MYH9: variants seen among roughly 807,000 people sequenced by gnomAD.
The protein encoded by MYH9 is myosin-9.
MYH9 carries 29 observed loss-of-function variants against 241.9 expected under a neutral mutation model. The observed-to-expected ratio is 0.12, with a 90% confidence interval of 0.09 to 0.16. The LOEUF is 0.16. Ranked by LOEUF, MYH9 falls within the 10% of genes least tolerant of loss-of-function variation. The probability of loss-of-function intolerance (pLI) is 1.00; values close to 1 mark genes in which losing one functional copy is unlikely to be tolerated. For synonymous variants in MYH9, 1,047 were observed against 1,062.6 expected (o/e 0.99, Z 0.29); for missense variants, 1,803 against 2,595.5 (o/e 0.69, Z 6.63).
chr22:36,308,840 T>C (rs1168485305), intron 15 of MYH9: 2 of 985,138 alleles, frequency 2.0e-6, no homozygotes, highest in East Asian at 1.1e-4. Flanking sequence ...AAAGCGATGA[T>C]AGAAATAGGC....
intron 11 of MYH9, among the ~76,000 whole-genome samples, chr22:36,317,607 G>A (rs1036049611): frequency 1.3e-5 from 2 of 152,338 alleles, no homozygotes; most frequent in African/African-American, 4.8e-5. Flanking sequence ...TTTGAGAGAT[G>A]GGTTTGGCAC....
intron 40 of MYH9, among the ~76,000 whole-genome samples, chr22:36,283,550 CA>C (rs963606096): frequency 7.1e-6 from 1 of 140,510 alleles, no homozygotes; most frequent in Non-Finnish European, 1.6e-5. Context: ...AAAAAAAAAA[CA>C]AAAAAAATAA....
chr22:36,320,087 T>A lies in MYH9; in HGVS notation c.1012+133A>T. On this transcript the variant is annotated intron_variant, in intron 9 of 40. Transcript: ENST00000216181. The surrounding 1 kb of genome is among the most constrained non-coding windows in gnomAD (Gnocchi z 4.8). ...TCAAATCTGAGGAATCATTTTCCCA[T>A]ACACTGAAGGCCTTCCCCTTCCCCT... The A allele has an allele frequency of 7.3e-6, 9 of 1,240,172 alleles. No homozygotes were observed. The highest frequency in any genetic ancestry group is 1.0e-5 in the Non-Finnish European group (9 of 864,838). The allele number at this position is 1,240,172 out of a possible 1,614,324, so 76.8% of individuals were successfully genotyped here.
At chr22:36,317,501 C>T (rs2017177184) in intron 11 of MYH9, among the ~76,000 whole-genome samples, 1 of 152,194 alleles carries the variant, frequency 6.6e-6, no homozygotes, top group South Asian at 2.1e-4. Flanking sequence ...AAACAACAGT[C>T]TTGTCTTTCA....
chr22:36,326,735 G>T, intron 4 of MYH9, 74 bp from the exon 5 acceptor site: 1 of 1,261,376 alleles, frequency 7.9e-7, no homozygotes. Context: ...CCCACTGCAC[G>T]CTCCACTGCC....
chr22:36,299,211 G>A (rs1175036583), intron 23 of MYH9, among the ~76,000 whole-genome samples, 169 bp from the exon 24 acceptor site: 1 of 152,114 alleles, frequency 6.6e-6, no homozygotes, highest in Non-Finnish European at 1.5e-5. Context: ...GAAAGGTCAC[G>A]AGCTCCCCTG....
At position 36,320,698 on chromosome 22, in the gene MYH9, G is replaced by A. The variant is rs2017236004; in HGVS notation, c.868+100C>T. The stretch of plus-strand genomic sequence containing the variant: ...CTCACTTCTCCCCGTTAAACCCAAG[G>A]CCAAAAGTTTTCATTTCCCAAATGA... On this transcript the variant is annotated intron_variant, in intron 8 of 40. Coordinates refer to ENST00000216181, the MANE Select transcript of MYH9 (RefSeq NM_002473.6). The surrounding 1 kb of genome is among the most constrained non-coding windows in gnomAD (Gnocchi z 4.8). 9.4e-7 allele frequency: 1 copy of A among 1,058,326 alleles called. No individual in the cohort carries two copies. The highest frequency in any genetic ancestry group is 1.4e-6 in the Non-Finnish European group (1 of 700,398). 65.6% of individuals were successfully genotyped at this position (1,058,326 alleles called of 1,614,324 possible).
At chr22:36,316,705 C>A in intron 11 of MYH9, 36 bp from the exon 12 acceptor site, 1 of 1,612,284 alleles carries the variant, frequency 6.2e-7, no homozygotes, top group Non-Finnish European at 8.5e-7. Flanking sequence ...GTGTCAGATA[C>A]AAAGGATCTG....
chr22:36,353,267 C>T (rs892255510), intron 1 of MYH9, among the ~76,000 whole-genome samples: 31 of 152,128 alleles, frequency 2.0e-4, no homozygotes, highest in Non-Finnish European at 3.2e-4. Context: ...ATAAGGGGCA[C>T]GACAGCGGGA....
intron 4 of MYH9, 145 bp from the exon 5 acceptor site, chr22:36,326,806 T>C (rs1452171330): frequency 1.4e-6 from 1 of 734,222 alleles, no homozygotes. Flanking sequence ...GACTGCCACA[T>C]AAACGCTCTG....
chr22:36,353,778 C>T (rs905302087), intron 1 of MYH9, among the ~76,000 whole-genome samples: 1 of 151,788 alleles, frequency 6.6e-6, no homozygotes, highest in African/African-American at 2.4e-5. Flanking sequence ...TCTTTCTTTT[C>T]GTGGTCCTTT....
intron 1 of MYH9, among the ~76,000 whole-genome samples, chr22:36,380,760 A>G (rs1440898493): frequency 6.6e-6 from 1 of 152,028 alleles, no homozygotes; most frequent in African/African-American, 2.4e-5. Context: ...AAAAGAAAAG[A>G]AAAGAAAAGA....
At chr22:36,346,003 C>G (rs920820121) in intron 2 of MYH9, among the ~76,000 whole-genome samples, 1 of 152,090 alleles carries the variant, frequency 6.6e-6, no homozygotes, top group Admixed American at 6.6e-5. Flanking sequence ...AAAAATTAGC[C>G]GGGCATGCTG....
Position 36,293,997 on chromosome 22 carries a change from A to C in MYH9, c.3837+95T>G. The C allele has an allele frequency of 1.3e-6, 2 of 1,491,770 alleles. No homozygotes were observed. Among genetic ancestry groups the C allele is most frequent in the Non-Finnish European group, 1.8e-6 (2 of 1,084,826 alleles). The allele number at this position is 1,491,770 out of a possible 1,614,324, so 92.4% of individuals were successfully genotyped here. The stretch of plus-strand genomic sequence containing the variant: ...GGGTCTGAGGAGCCAGTTTGAGAAG[A>C]GAGAGAGACAGAGAGCACACATGCA... On this transcript the variant is annotated intron_variant, in intron 28 of 40. Transcript: ENST00000216181. The surrounding 1 kb of genome is among the most constrained non-coding windows in gnomAD (Gnocchi z 5.1).
chr22:36,285,146 C>G lies in MYH9; in HGVS notation c.5458G>C (p.Glu1820Gln). 6.2e-7 allele frequency: 1 copy of G among 1,614,138 alleles called. No individual in the cohort carries two copies. The highest frequency in any genetic ancestry group is 8.5e-7 in the Non-Finnish European group (1 of 1,180,028). ...TALEAKIAQL[E>Q]EQLDNETKER... ...TTGGTCTCGTTGTCCAGCTGCTCCT[C>G]CAGCTGTGCAATCTTGGCCTCGAGG... Residue 1820 changes from glutamate to glutamine, a missense_variant, in exon 38 of 41, where the codon GAG becomes CAG. Glu to Gln is a conservative substitution (Grantham distance 29). Around this residue, in one of 11 missense-constraint regions of MYH9, gnomAD observed 876 missense variants for 1,077.8 expected, o/e 0.81. Coordinates refer to ENST00000216181, the MANE Select transcript of MYH9 (RefSeq NM_002473.6). The surrounding 1 kb of genome is among the most constrained non-coding windows in gnomAD (Gnocchi z 7.0).
chr22:36,340,349 AG>A (rs1211992400), intron 3 of MYH9, among the ~76,000 whole-genome samples: 1 of 152,006 alleles, frequency 6.6e-6, no homozygotes, highest in African/African-American at 2.4e-5. Flanking sequence ...GTGGAAGCAC[AG>A]GGTAGGGGGC....
Position 36,327,504 on chromosome 22 carries a change from C to T in MYH9, c.491-16G>A. 1 of 1,613,956 alleles carries T rather than the reference C, an allele frequency of 6.2e-7. No homozygotes were observed. Among genetic ancestry groups the T allele is most frequent in the Non-Finnish European group, 8.5e-7 (1 of 1,179,884 alleles). On this transcript the variant is annotated splice_polypyrimidine_tract_variant and intron_variant, in intron 3 of 40. Transcript: ENST00000216181. Reference sequence around the variant, plus strand: ...TCTTCTCGGTCTGAAACAAAGAAGACATCAGATTAACTCCCGCCAGATGCA... The same window carrying T: ...TCTTCTCGGTCTGAAACAAAGAAGATATCAGATTAACTCCCGCCAGATGCA...
chr22:36,379,230 A>G (rs1274041179), intron 1 of MYH9, among the ~76,000 whole-genome samples: 1 of 152,196 alleles, frequency 6.6e-6, no homozygotes, highest in Admixed American at 6.5e-5. Flanking sequence ...CAGAGAGGCC[A>G]GGCGTGGTGG....
chr22:36,318,833 G>A (rs1056442695), intron 10 of MYH9, among the ~76,000 whole-genome samples: 14 of 151,618 alleles, frequency 9.2e-5, no homozygotes, highest in South Asian at 2.1e-4. Flanking sequence ...GCGCGATTTC[G>A]GCTCACTGCA....
Sources: allele counts gnomAD v4.1 joint callset (sites outside exome capture counted in the v4.1 genomes callset), GRCh38; gene constraint gnomAD v4.1.1; regional missense constraint gnomAD v4.1.1; non-coding constraint Gnocchi (gnomAD v3.1); transcripts MANE v1.5; gene names NCBI Gene and HGNC (gene_info 2026-07-23, HGNC 2026-07-21).